The following RMDN2 variants were observed in gnomAD, a reference collection of about 807,000 sequenced individuals.
The protein encoded by RMDN2 is regulator of microtubule dynamics protein 2.
In RMDN2, 61 loss-of-function variants were observed where a neutral mutation model predicts 52.8. The ratio of observed to expected loss-of-function variants is 1.16; its 90% CI spans 0.94 to 1.43. RMDN2 has a LOEUF of 1.43. Among genes scored for constraint, RMDN2 ranks in the 40% most tolerant of loss-of-function variants. The pLI, the probability that RMDN2 is intolerant of heterozygous loss-of-function variation, is 0.00. For synonymous variants in RMDN2, 180 were observed against 153.1 expected (o/e 1.18, Z -1.30); for missense variants, 592 against 475.3 (o/e 1.25, Z -2.28).
intron 2 of RMDN2, among the ~76,000 whole-genome samples, chr2:37,964,099 G>A (rs1000909933): frequency 8.6e-5 from 13 of 151,602 alleles, no homozygotes; most frequent in Non-Finnish European, 1.6e-4. Context: ...CTTCCCAGAC[G>A]GGGCGGCTGC....
intron 2 of RMDN2, among the ~76,000 whole-genome samples, chr2:37,963,901 G>GGT (rs1205584487): frequency 4.1e-5 from 5 of 121,230 alleles, no homozygotes; most frequent in African/African-American, 8.0e-5. Flanking sequence ...GCGGGGCAGA[G>GGT]GCGCCCCCCC....
rs1164590545 is a variant in RMDN2, at chr2:38,001,818, C to A, written c.1045-2173C>A. On this transcript the variant is annotated intron_variant, in intron 8 of 10. Coordinates refer to ENST00000354545, the MANE Select transcript of RMDN2 (RefSeq NM_001170791.3). ...ATTAGACAAGAGAGAAACAGGAGAA[C>A]CAGAATCCATGGATAAGAGAGAAGA... is the stretch of plus-strand genomic sequence containing the variant. Among the ~76,000 whole-genome samples, 6 of 152,214 alleles carry A rather than the reference C, an allele frequency of 3.9e-5. No homozygotes were observed. The South Asian group carries it at 8.3e-4, about 21-fold the overall frequency.
At chr2:38,001,655 A>G (rs572441290) in intron 8 of RMDN2, among the ~76,000 whole-genome samples, 2 of 152,232 alleles carry the variant, frequency 1.3e-5, no homozygotes, top group Non-Finnish European at 2.9e-5. Context: ...GTTATCCCCA[A>G]TATGGGATTC....
At chr2:38,037,700 G>A (rs34456660) in intron 10 of RMDN2, among the ~76,000 whole-genome samples, 2 of 152,172 alleles carry the variant, frequency 1.3e-5, no homozygotes, top group Non-Finnish European at 2.9e-5. Flanking sequence ...AAGTGTGTTC[G>A]GCTTCCCGTT....
intron 5 of RMDN2, among the ~76,000 whole-genome samples, chr2:37,987,325 G>A (rs1433735973): frequency 1.3e-5 from 2 of 152,036 alleles, no homozygotes; most frequent in South Asian, 4.2e-4. Context: ...TAAAACTATG[G>A]TATATCCATT....
chr2:37,989,476 T>C lies in RMDN2; in HGVS notation c.792-65T>C, dbSNP rs1674469782. 3 of 971,896 alleles carry C rather than the reference T, an allele frequency of 3.1e-6. No individual in the cohort carries two copies. The Admixed American group carries it at 5.8e-5, about 19-fold the overall frequency. The allele number at this position is 971,896 out of a possible 1,614,324, so 60.2% of individuals were successfully genotyped here. A position where few individuals can be genotyped will look rare whatever the true frequency, so the allele number is the denominator to read the frequency against. On this transcript the variant is annotated intron_variant, in intron 5 of 10. Transcript: ENST00000354545. Reference sequence around the variant, plus strand: ...TTAGAGTTTCTTTTAATGTTATGTTTTGGTGGCATTTTGTTAAAAATTTAC... The same window carrying C: ...TTAGAGTTTCTTTTAATGTTATGTTCTGGTGGCATTTTGTTAAAAATTTAC...
intron 4 of RMDN2, among the ~76,000 whole-genome samples, chr2:37,978,597 G>A (rs972075376): frequency 1.3e-5 from 2 of 151,930 alleles, no homozygotes; most frequent in Non-Finnish European, 2.9e-5. Context: ...AGGCCAAGGC[G>A]GGCAGATAGC....
intron 10 of RMDN2, among the ~76,000 whole-genome samples, chr2:38,049,406 A>G (rs6750047): frequency 0.62 from 94,381 of 152,014 alleles, 30,361 homozygotes; most frequent in East Asian, 0.92. Flanking sequence ...GGCACCCCAG[A>G]CTTCTCCCAG....
chr2:37,932,349 G>T (rs1393294369), intron 2 of RMDN2, among the ~76,000 whole-genome samples: 4 of 152,004 alleles, frequency 2.6e-5, no homozygotes, highest in African/African-American at 9.7e-5. Flanking sequence ...GGTGGATACA[G>T]CACATGTTTC....
intron 10 of RMDN2, among the ~76,000 whole-genome samples, chr2:38,023,801 C>G (rs2125262011): frequency 6.6e-6 from 1 of 152,148 alleles, no homozygotes; most frequent in Admixed American, 6.5e-5. Context: ...AATTGACATA[C>G]AAAAAAACTG....
intron 10 of RMDN2, 30 bp downstream of exon 10, chr2:38,004,246 T>C (rs1397151013): frequency 6.7e-7 from 1 of 1,492,716 alleles, no homozygotes; most frequent in Admixed American, 1.7e-5. Context: ...GTGAGTGCTG[T>C]TGTCTTGTTA....
At chr2:37,921,335 T>G (rs972092590), upstream of RMDN2, among the ~76,000 whole-genome samples, 1 of 151,818 alleles carries the variant, frequency 6.6e-6, no homozygotes, top group Non-Finnish European at 1.5e-5. Flanking sequence ...TTTTCAGAAA[T>G]TTTTTTTGTA....
intron 2 of RMDN2, among the ~76,000 whole-genome samples, chr2:37,959,349 A>G (rs1170067123): frequency 6.6e-6 from 1 of 150,952 alleles, no homozygotes; most frequent in African/African-American, 2.5e-5. Context: ...TGGTCTATTC[A>G]GGGATTTGAC....
At chr2:37,996,601 G>GAA (rs1161536445) in intron 7 of RMDN2, among the ~76,000 whole-genome samples, 931 of 57,956 alleles carry the variant, frequency 0.016, 7 homozygotes, top group African/African-American at 0.068. Context: ...AAAAAAAAAA[G>GAA]AAAAAAAAAA....
intron 5 of RMDN2, among the ~76,000 whole-genome samples, chr2:37,987,497 G>A (rs1230793947): frequency 2.0e-5 from 3 of 152,152 alleles, no homozygotes; most frequent in African/African-American, 7.2e-5. Flanking sequence ...ACCAAACTAT[G>A]GAGACAGTAA....
intron 10 of RMDN2, among the ~76,000 whole-genome samples, chr2:38,007,592 G>A (rs139167619): frequency 0.13 from 19,452 of 152,020 alleles, 1,466 homozygotes; most frequent in Non-Finnish European, 0.17. Context: ...TGATTCTTCT[G>A]TCTTTTCTTC....
chr2:37,932,974 C>T lies in RMDN2; in HGVS notation c.452+3245C>T, dbSNP rs1403648707. The stretch of plus-strand genomic sequence containing the variant: ...GCCGGGCGGAGACGCTCCTCACTTC[C>T]CAGACGGGGTGGCTGCTGGGTGGAG... On this transcript the variant is annotated intron_variant, in intron 2 of 10. Coordinates refer to ENST00000354545, the MANE Select transcript of RMDN2 (RefSeq NM_001170791.3). 4.6e-5 allele frequency among the ~76,000 whole-genome samples: 7 copies of T among 151,432 alleles called. No homozygotes were observed. The East Asian group carries it at 1.2e-3, about 26-fold the overall frequency.
intron 8 of RMDN2, among the ~76,000 whole-genome samples, chr2:38,001,217 C>T (rs1676277766): frequency 1.3e-5 from 2 of 152,200 alleles, no homozygotes; most frequent in Non-Finnish European, 2.9e-5. Context: ...CCAAACATGG[C>T]ATCAAATACT....
chr2:38,058,410 C>G (rs62136338), intron 10 of RMDN2, among the ~76,000 whole-genome samples: 1 of 78,526 alleles, frequency 1.3e-5, no homozygotes, highest in Non-Finnish European at 3.9e-5. Context: ...TAATTCCCAG[C>G]CTTGGAAGGG....
Sources: gnomAD v4.1 joint callset for allele counts (sites outside exome capture counted in the v4.1 genomes callset) on GRCh38, gnomAD v4.1.1 for gene constraint, MANE v1.5 for transcripts, NCBI Gene and HGNC (gene_info 2026-07-23, HGNC 2026-07-21) for gene names.